Variants in CLN6 observed in about 807,000 individuals in gnomAD.
The protein encoded by CLN6 is ceroid-lipofuscinosis neuronal protein 6.
Under a neutral mutation model 33.3 loss-of-function variants are expected in CLN6, and 22 were observed. The ratio of observed to expected loss-of-function variants is 0.66; its 90% CI spans 0.47 to 0.94. The LOEUF (loss-of-function observed/expected upper bound fraction) is 0.94. CLN6 is among the 40% of genes least tolerant of loss of function. The probability of loss-of-function intolerance (pLI) is 0.00; values close to 1 mark genes in which losing one functional copy is unlikely to be tolerated. For missense variants in CLN6, 387 were observed against 417.1 expected (o/e 0.93, Z 0.63); for synonymous variants, 201 against 174.6 (o/e 1.15, Z -1.19).
rs914584990 is a variant in CLN6 at position 68,236,312 on chromosome 15, T to C, written c.180-17662A>G. Among the ~76,000 whole-genome samples, 1 of 152,166 alleles carries C rather than the reference T, an allele frequency of 6.6e-6. No homozygotes were observed. Among genetic ancestry groups the C allele is most frequent in the Non-Finnish European group, 1.5e-5 (1 of 68,032 alleles). ...CACAGAAAAACTTACAGATGAATGT[T>C]CATAGGAGCATTATTCATAATAGCC... On this transcript the variant is annotated intron_variant, in intron 1 of 6. Coordinates refer to the CLN6 transcript ENST00000538696. This position sits in a 1 kb window ranked among gnomAD's most constrained non-coding sequence, Gnocchi z 4.5.
rs906200371 is a variant in CLN6, at chr15:68,210,712, C to G, written c.542+551G>C. 3.9e-5 allele frequency among the ~76,000 whole-genome samples: 6 copies of G among 152,178 alleles called. No homozygotes were observed. The highest frequency in any genetic ancestry group is 1.4e-4 in the African/African-American group (6 of 41,452). ...ACCACATTTCTGAGGTCTCCCCCGA[C>G]TGAGGGACGGGGTAGGTAGGAAAAG... is the stretch of plus-strand genomic sequence containing the variant. On this transcript the variant is annotated intron_variant, in intron 5 of 6. Coordinates refer to ENST00000249806, the MANE Select transcript of CLN6 (RefSeq NM_017882.3). The surrounding 1 kb of genome is among the most constrained non-coding windows in gnomAD (Gnocchi z 5.6).
Position 68,207,189 on chromosome 15 carries a change from A to G in CLN6, c.*951T>C, listed in dbSNP as rs1227910351. The G allele has an allele frequency of 1.3e-5, 2 of 152,274 alleles. No individual in the cohort carries two copies. Among genetic ancestry groups the G allele is most frequent in the Non-Finnish European group, 1.5e-5 (1 of 68,098 alleles). 9.4% of individuals were successfully genotyped at this position (152,274 alleles called of 1,614,324 possible). A position where few individuals can be genotyped will look rare whatever the true frequency, so the allele number is the denominator to read the frequency against. On this transcript the variant is annotated 3_prime_UTR_variant, in exon 7 of 7. Transcript: ENST00000249806. ...AAACCCTGGGCCACTCTGTCAAGGC[A>G]AAGCCTCTGGGCCCAGCACCTTGTA...
chr15:68,234,489 T>C (rs1263823633), upstream of CLN6, among the ~76,000 whole-genome samples: 1 of 152,144 alleles, frequency 6.6e-6, no homozygotes, highest in African/African-American at 2.4e-5. This position sits in a 1 kb window ranked among gnomAD's most constrained non-coding sequence, Gnocchi z 4.1. Context: ...AGCCCTAATA[T>C]AGGGCTCTAT....
At chr15:68,217,846 A>G (rs1447624747) in intron 2 of CLN6, among the ~76,000 whole-genome samples, 1 of 151,798 alleles carries the variant, frequency 6.6e-6, no homozygotes, top group Admixed American at 6.6e-5. Flanking sequence ...ACGTTCGTCT[A>G]TTTATTATCT....
intron 1 of CLN6, among the ~76,000 whole-genome samples, chr15:68,252,528 A>G (rs1346344595): frequency 6.6e-6 from 1 of 152,208 alleles, no homozygotes; most frequent in Non-Finnish European, 1.5e-5. Flanking sequence ...TATACCACCA[A>G]TATTGTGTAA....
At position 68,211,457 on chromosome 15, in the gene CLN6, T is replaced by C; in HGVS notation, c.487-139A>G. On this transcript the variant is annotated intron_variant, in intron 4 of 6. Transcript: ENST00000249806. The surrounding 1 kb of genome is among the most constrained non-coding windows in gnomAD (Gnocchi z 5.9). ...ACTGCCTTATTCCCTACCCGGGGCC[T>C]CGCCTTCTGTTACAGGGGCCCAGGT... 6.5e-7 allele frequency: 1 copy of C among 1,528,396 alleles called. No homozygotes were observed. Among genetic ancestry groups the C allele is most frequent in the Non-Finnish European group, 9.0e-7 (1 of 1,117,312 alleles). 94.7% of individuals were successfully genotyped at this position (1,528,396 alleles called of 1,614,324 possible). A position where few individuals can be genotyped will look rare whatever the true frequency, so the allele number is the denominator to read the frequency against.
rs1021797239 is a variant in CLN6, at chr15:68,208,708, A to G, written c.666-298T>C. Among the ~76,000 whole-genome samples the G allele has an allele frequency of 2.0e-5, 3 of 152,208 alleles. No individual in the cohort carries two copies. Among genetic ancestry groups the G allele is most frequent in the Non-Finnish European group, 4.4e-5 (3 of 68,046 alleles). On this transcript the variant is annotated intron_variant, in intron 6 of 6. Coordinates refer to ENST00000249806, the MANE Select transcript of CLN6 (RefSeq NM_017882.3). This position sits in a 1 kb window ranked among gnomAD's most constrained non-coding sequence, Gnocchi z 5.8. ...TAAGTTTATACTTCCACACAACAAA[A>G]ACTGACTAGAGGAGAAAGCAACAAA... is the stretch of plus-strand genomic sequence containing the variant.
chr15:68,229,788 G>A, upstream of CLN6: 1 of 353,190 alleles, frequency 2.8e-6, no homozygotes, highest in Non-Finnish European at 5.0e-6. Flanking sequence ...GGGAGGCGGG[G>A]CGGAGGGAGA....
intron 1 of CLN6, among the ~76,000 whole-genome samples, chr15:68,255,247 T>C (rs2141168499): frequency 6.6e-6 from 1 of 152,216 alleles, no homozygotes; most frequent in South Asian, 2.1e-4. Context: ...TGTCCTCTTC[T>C]CCCTTTCCAC....
chr15:68,254,623 C>T (rs747627633), intron 1 of CLN6: 16 of 640,258 alleles, frequency 2.5e-5, no homozygotes, highest in Non-Finnish European at 2.8e-5. Flanking sequence ...CCGCCGTTGC[C>T]GCCACCACCG....
chr15:68,210,031 G>C lies in CLN6; in HGVS notation c.543-272C>G, dbSNP rs1362208296. On this transcript the variant is annotated intron_variant, in intron 5 of 6. Transcript: ENST00000249806. The surrounding 1 kb of genome is among the most constrained non-coding windows in gnomAD (Gnocchi z 5.6). ...CACCTCACTCACTCCGTGGGGGTAA[G>C]GGGTGTCTGGGGGGTTGTCTGTCTC... Among the ~76,000 whole-genome samples the C allele has an allele frequency of 6.6e-6, 1 of 152,168 alleles. No homozygotes were observed. Among genetic ancestry groups the C allele is most frequent in the East Asian group, 1.9e-4 (1 of 5,186 alleles).
At chr15:68,254,531 GATA>G (rs1421766757) in intron 1 of CLN6, 1 of 420,012 alleles carries the variant, frequency 2.4e-6, no homozygotes, top group Non-Finnish European at 4.4e-6. Flanking sequence ...ATGTTGAAAT[GATA>G]ATATTTTGAG....
At position 68,211,288 on chromosome 15, in the gene CLN6, C is replaced by A; in HGVS notation, c.517G>T (p.Asp173Tyr). Residue 173 changes from aspartate to tyrosine, a missense_variant, in exon 5 of 7, where the codon GAT (aspartate) becomes TAT (tyrosine). Coordinates refer to ENST00000249806, the MANE Select transcript of CLN6 (RefSeq NM_017882.3). This position sits in a 1 kb window ranked among gnomAD's most constrained non-coding sequence, Gnocchi z 5.9. ...CACATGCAGTGACCCAGGTACTCAT[C>A]ATAATAGTAGAGCAGCTCAAAGGAG... The part of the protein sequence containing the change: ...IDSFELLYYY[D>Y]EYLGHCMWYI... 6.2e-7 allele frequency: 1 copy of A among 1,614,028 alleles called. No homozygotes were observed. The highest frequency in any genetic ancestry group is 8.5e-7 in the Non-Finnish European group (1 of 1,180,006).
At position 68,228,693 on chromosome 15, in the gene CLN6, T is replaced by C. The variant is rs1431984700; in HGVS notation, c.83+809A>G. On this transcript the variant is annotated intron_variant, in intron 1 of 6. Transcript: ENST00000249806. The surrounding 1 kb of genome is among the most constrained non-coding windows in gnomAD (Gnocchi z 4.4). The stretch of plus-strand genomic sequence containing the variant: ...CTCAGCTCAAGTGCCACTTCCTCCA[T>C]GAAGCCCTCCAAGATGACCGCTCAC... 6.6e-6 allele frequency among the ~76,000 whole-genome samples: 1 copy of C among 152,058 alleles called. No individual in the cohort carries two copies. The highest frequency in any genetic ancestry group is 1.5e-5 in the Non-Finnish European group (1 of 68,006).
At chr15:68,243,907 C>CA (rs946492489) in intron 1 of CLN6, among the ~76,000 whole-genome samples, 3 of 150,372 alleles carry the variant, frequency 2.0e-5, no homozygotes, top group African/African-American at 4.9e-5. Flanking sequence ...ACTAAAAATA[C>CA]AAAAAAAATT....
Position 68,208,426 on chromosome 15 carries a change from G to A in CLN6, c.666-16C>T, listed in dbSNP as rs2141136181. ...GACCAGGTACCTGGAAAGGCCAGGG[G>A]TGAGTGAGGCAGCTGCCGTGGCAAC... On this transcript the variant is annotated splice_polypyrimidine_tract_variant and intron_variant, in intron 6 of 6. Transcript: ENST00000249806. The surrounding 1 kb of genome is among the most constrained non-coding windows in gnomAD (Gnocchi z 5.8). 1 of 1,611,670 alleles carries A rather than the reference G, an allele frequency of 6.2e-7. No individual in the cohort carries two copies. Among genetic ancestry groups the A allele is most frequent in the Admixed American group, 1.7e-5 (1 of 60,012 alleles).
In CLN6 at chr15:68,210,027, G is replaced by A. The variant is rs1217516773; in HGVS notation, c.543-268C>T. Among the ~76,000 whole-genome samples the A allele has an allele frequency of 6.6e-6, 1 of 152,192 alleles. No individual in the cohort carries two copies. The highest frequency in any genetic ancestry group is 2.4e-5 in the African/African-American group (1 of 41,446). ...AGGGCACCTCACTCACTCCGTGGGG[G>A]TAAGGGGTGTCTGGGGGGTTGTCTG... On this transcript the variant is annotated intron_variant, in intron 5 of 6. Transcript: ENST00000249806. This position sits in a 1 kb window ranked among gnomAD's most constrained non-coding sequence, Gnocchi z 5.6.
chr15:68,211,147 A>G lies in CLN6; in HGVS notation c.542+116T>C. 1.1e-6 allele frequency: 1 copy of G among 891,980 alleles called. No homozygotes were observed. The highest frequency in any genetic ancestry group is 1.9e-6 in the Non-Finnish European group (1 of 523,622). The allele number at this position is 891,980 out of a possible 1,614,324, so 55.3% of individuals were successfully genotyped here. A position where few individuals can be genotyped will look rare whatever the true frequency, so the allele number is the denominator to read the frequency against. ...TCACAGTGCCTTTACAGGGGATGAG[A>G]CTCAACACATGGAGACCCGCAGCCC... On this transcript the variant is annotated intron_variant, in intron 5 of 6. Coordinates refer to ENST00000249806, the MANE Select transcript of CLN6 (RefSeq NM_017882.3). This position sits in a 1 kb window ranked among gnomAD's most constrained non-coding sequence, Gnocchi z 5.9.
At chr15:68,218,436 G>A (rs2093226484) in intron 2 of CLN6, 100 bp downstream of exon 2, 2 of 868,648 alleles carry the variant, frequency 2.3e-6, no homozygotes, top group Non-Finnish European at 3.9e-6. Context: ...TTTACTAGGA[G>A]ATAAAGGAGA....
Sources: allele counts gnomAD v4.1 joint callset (sites outside exome capture counted in the v4.1 genomes callset), GRCh38; gene constraint gnomAD v4.1.1; non-coding constraint Gnocchi (gnomAD v3.1); transcripts MANE v1.5; gene names NCBI Gene and HGNC (gene_info 2026-07-23, HGNC 2026-07-21).